Variants in ADCY3 observed in about 807,000 individuals in gnomAD.
ADCY3 encodes adenylate cyclase type 3.
A neutral mutation model predicts 119.4 loss-of-function variants in ADCY3; 70 were observed. The observed-to-expected ratio is 0.59, with a 90% confidence interval of 0.48 to 0.72. The LOEUF (loss-of-function observed/expected upper bound fraction) is 0.72. Ranked by LOEUF, ADCY3 falls within the 30% of genes least tolerant of loss-of-function variation. The pLI is 0.00. For synonymous variants in ADCY3, 672 were observed against 621.4 expected, an observed-to-expected ratio of 1.08 and a Z score of -1.21; for missense variants, 1,238 against 1,541.6, an observed-to-expected ratio of 0.80 and a Z score of 3.30.
intron 6 of ADCY3, 62 bp from the exon 7 acceptor site, chr2:24,840,093 C>T (rs1670820783): frequency 6.4e-7 from 1 of 1,555,432 alleles, no homozygotes; most frequent in Non-Finnish European, 8.7e-7. Context: ...CCAGCTGCCC[C>T]TGCTCCTGCA....
chr2:24,858,373 C>CA (rs1370856353), intron 3 of ADCY3, among the ~76,000 whole-genome samples: 1 of 152,104 alleles, frequency 6.6e-6, no homozygotes, highest in Non-Finnish European at 1.5e-5. Flanking sequence ...AAAATGTTAA[C>CA]ACTCTGGGAA....
chr2:24,883,081 G>A (rs1378121700), intron 2 of ADCY3, among the ~76,000 whole-genome samples: 2 of 151,568 alleles, frequency 1.3e-5, no homozygotes, highest in Non-Finnish European at 1.5e-5. Context: ...CAGGCGCGGT[G>A]GCTCAAGCCT....
intron 2 of ADCY3, among the ~76,000 whole-genome samples, chr2:24,877,438 G>T (rs945439380): frequency 6.6e-6 from 1 of 152,050 alleles, no homozygotes; most frequent in African/African-American, 2.4e-5. Flanking sequence ...GTCCACCCCC[G>T]CCTGAAGAAC....
chr2:24,874,323 C>A (rs957937509), intron 2 of ADCY3, among the ~76,000 whole-genome samples: 4 of 152,228 alleles, frequency 2.6e-5, no homozygotes, highest in Non-Finnish European at 5.9e-5. Flanking sequence ...TGGGTCTGAG[C>A]AGCCCCAGTC....
chr2:24,889,108 C>G (rs545182530), intron 2 of ADCY3, among the ~76,000 whole-genome samples: 1 of 152,206 alleles, frequency 6.6e-6, no homozygotes, highest in Non-Finnish European at 1.5e-5. Context: ...GCTTATAATG[C>G]GTGAGGAAGG....
At position 24,834,876 on chromosome 2, in the gene ADCY3, G is replaced by A. The variant is rs1558425663; in HGVS notation, c.1723C>T (p.Arg575Ter). Residue 575 changes from arginine to a stop codon, truncating the protein, a stop_gained, in exon 10 of 22, where the codon CGA becomes TGA. Transcript: ENST00000679454. LOFTEE classifies it high-confidence loss of function. This position sits in a 1 kb window ranked among gnomAD's most constrained non-coding sequence, Gnocchi z 4.2. ...RRLRLQDLAD[R>*]VVDASEDEHE... is the part of the protein sequence containing the mutation. ...TCATCTTCAGAGGCATCCACCACTC[G>A]GTCAGCCAGGTCCTGCAGGCGCAGC... 6.2e-7 allele frequency: 1 copy of A among 1,613,900 alleles called. No individual in the cohort carries two copies. The highest frequency in any genetic ancestry group is 1.1e-5 in the South Asian group (1 of 91,048).
intron 13 of ADCY3, among the ~76,000 whole-genome samples, chr2:24,830,396 G>A (rs1444619802): frequency 2.0e-5 from 3 of 152,190 alleles, no homozygotes; most frequent in African/African-American, 7.2e-5. Context: ...TGGTACAACT[G>A]CTCAGGACTT....
rs568088215 is a variant in ADCY3, at chr2:24,835,233, CAGG to C, written c.1663-300_1663-298del. ...TAGGGAGCAGCCCCTGGCTCCTGAG[CAGG>C]AGACCTGTAATCGGAGACAGCTGCT... is the stretch of plus-strand genomic sequence containing the variant. On this transcript the variant is annotated intron_variant, in intron 9 of 21. Transcript: ENST00000679454. Among the ~76,000 whole-genome samples, 356 of 152,298 alleles carry C rather than the reference CAGG, an allele frequency of 2.3e-3. 2 individuals carry two copies. The highest frequency in any genetic ancestry group is 8.2e-3 in the African/African-American group (339 of 41,562).
chr2:24,881,810 AGT>A (rs3037312), intron 2 of ADCY3, among the ~76,000 whole-genome samples: 60,514 of 150,988 alleles, frequency 0.4, 12,311 homozygotes, highest in East Asian at 0.46. Flanking sequence ...GCCATTCCAC[AGT>A]GTGTCTGGAG....
chr2:24,916,199 A>T (rs1399891192), intron 2 of ADCY3, among the ~76,000 whole-genome samples: 3 of 152,250 alleles, frequency 2.0e-5, no homozygotes, highest in Non-Finnish European at 4.4e-5. Context: ...CAATACTCAA[A>T]GGAGAACAAT....
intron 21 of ADCY3, chr2:24,820,487 C>T (rs1245010362): frequency 1.4e-6 from 2 of 1,394,776 alleles, no homozygotes; most frequent in African/African-American, 2.9e-5. Flanking sequence ...AGGTTCATAC[C>T]CAAAGGTAGG....
chr2:24,845,226 G>T (rs1326803182), intron 3 of ADCY3, among the ~76,000 whole-genome samples: 1 of 152,240 alleles, frequency 6.6e-6, no homozygotes, highest in African/African-American at 2.4e-5. Context: ...AAACGTGGAA[G>T]TGACTTTGGA....
chr2:24,917,095 A>C (rs921894527), intron 2 of ADCY3, among the ~76,000 whole-genome samples: 8 of 152,230 alleles, frequency 5.3e-5, no homozygotes, highest in African/African-American at 1.4e-4. Context: ...ATGAGACATG[A>C]GTGGAGAAAT....
chr2:24,825,335 G>GGC lies in ADCY3; in HGVS notation c.2577+709_2577+710insGC, dbSNP rs1491585278. 5.9e-3 allele frequency among the ~76,000 whole-genome samples: 59 copies of GGC among 10,066 alleles called. 1 individual carries two copies. Among genetic ancestry groups the GGC allele is most frequent in the East Asian group, 0.038 (6 of 156 alleles). The allele number at this position is 10,066 out of a possible 152,430, so 6.6% of individuals were successfully genotyped here. On this transcript the variant is annotated intron_variant, in intron 16 of 21. Coordinates refer to ENST00000679454, the MANE Select transcript of ADCY3 (RefSeq NM_004036.5). The stretch of plus-strand genomic sequence containing the variant: ...TCCGGTTGAGTGCGGTGGTTGTGGC[G>GGC]GGGGGGGGGGGGGTGCGGGGGGGGT...
In ADCY3 at chr2:24,907,459, G is replaced by A. The variant is rs1160500283; in HGVS notation, c.675+10854C>T. On this transcript the variant is annotated intron_variant, in intron 2 of 21. Coordinates refer to ENST00000679454, the MANE Select transcript of ADCY3 (RefSeq NM_004036.5). ...CATTTACTTTCCTGTCTACAAGAAG[G>A]AAAGTGTTGTGGAGGAGAGGAAGGG... Among the ~76,000 whole-genome samples, 4 of 152,234 alleles carry A rather than the reference G, an allele frequency of 2.6e-5. No homozygotes were observed. In the East Asian group the frequency reaches 7.7e-4, roughly 29 times the overall value.
At position 24,898,295 on chromosome 2, in the gene ADCY3, G is replaced by A. The variant is rs567456839; in HGVS notation, c.675+20018C>T. Among the ~76,000 whole-genome samples, 1 of 152,202 alleles carries A rather than the reference G, an allele frequency of 6.6e-6. No homozygotes were observed. Among genetic ancestry groups the A allele is most frequent in the South Asian group, 2.1e-4 (1 of 4,812 alleles). ...ACAGAGGCCCCCGGGGAGGCTCGAG[G>A]ACCGCCTTTCCATCACCGTGGGGTG... On this transcript the variant is annotated intron_variant, in intron 2 of 21. Transcript: ENST00000679454. This position sits in a 1 kb window ranked among gnomAD's most constrained non-coding sequence, Gnocchi z 4.3.
At chr2:24,839,453 G>A (rs890672064) in intron 7 of ADCY3, among the ~76,000 whole-genome samples, 7 of 152,210 alleles carry the variant, frequency 4.6e-5, no homozygotes, top group Admixed American at 1.3e-4. Flanking sequence ...CAAGTAAGGC[G>A]TGTAATCGCA....
intron 6 of ADCY3, 149 bp from the exon 7 acceptor site, chr2:24,840,180 G>A (rs1038415813): frequency 4.6e-5 from 52 of 1,124,040 alleles, no homozygotes; most frequent in African/African-American, 4.6e-4. Context: ...TGTTGGGTGG[G>A]GGGTAAGGCA....
intron 2 of ADCY3, among the ~76,000 whole-genome samples, chr2:24,911,637 C>CAAAA (rs60134317): frequency 9.4e-6 from 1 of 106,160 alleles, no homozygotes. Flanking sequence ...GAGACAGACT[C>CAAAA]AAAAAAAAAA....
Sources: allele counts gnomAD v4.1 joint callset (sites outside exome capture counted in the v4.1 genomes callset), GRCh38; gene constraint gnomAD v4.1.1; non-coding constraint Gnocchi (gnomAD v3.1); transcripts MANE v1.5; gene names NCBI Gene and HGNC (gene_info 2026-07-23, HGNC 2026-07-21).